The following AGMO variants were observed in gnomAD, a reference collection of about 807,000 sequenced individuals.
AGMO encodes alkylglycerol monooxygenase.
Under a neutral mutation model 60.2 loss-of-function variants are expected in AGMO, and 75 were observed. That is an observed-to-expected ratio of 1.25 (90% CI 1.03 to 1.51). AGMO has a LOEUF of 1.51. Among genes scored for constraint, AGMO ranks in the 40% most tolerant of loss-of-function variants. The pLI is 0.00. For missense variants in AGMO, 763 were observed against 525.5 expected (o/e 1.45, Z -4.42); for synonymous variants, 261 against 177.1 (o/e 1.47, Z -3.76).
At chr7:15,519,777 T>C (rs1019587770) in intron 3 of AGMO, among the ~76,000 whole-genome samples, 1 of 152,104 alleles carries the variant, frequency 6.6e-6, no homozygotes, top group Non-Finnish European at 1.5e-5. Flanking sequence ...GCTAGTATCA[T>C]AATGACAGGG....
chr7:15,212,917 G>A (rs890122134), intron 12 of AGMO, among the ~76,000 whole-genome samples: 8 of 151,894 alleles, frequency 5.3e-5, no homozygotes, highest in African/African-American at 1.7e-4. Flanking sequence ...ACTTTCATAC[G>A]TGCAAACATC....
rs1269627467 is a variant in AGMO, at chr7:15,561,759, T to A, written c.87A>T (p.Ser29=). The A allele has an allele frequency of 1.2e-6, 2 of 1,612,268 alleles. No individual in the cohort carries two copies. Among genetic ancestry groups the A allele is most frequent in the East Asian group, 2.2e-5 (1 of 44,816 alleles). ...CAGGCACCTCTTCTAATGTTTGGAA[T>A]GAAGTTTCACTGGGTTTCATCGTGT... ...LFYTMKPSET[S]FQTLEEVPDY... The change falls in exon 1 of 13, where the codon TCA becomes TCT. Residue 29 remains serine, a synonymous_variant. Transcript: ENST00000342526.
chr7:15,258,751 T>C (rs1285821754), intron 12 of AGMO, among the ~76,000 whole-genome samples: 4 of 151,892 alleles, frequency 2.6e-5, no homozygotes, highest in African/African-American at 4.8e-5. Context: ...ATCACAGAAC[T>C]CTTTCTAGAC....
chr7:15,498,571 C>G (rs1433612458), intron 3 of AGMO, among the ~76,000 whole-genome samples: 1 of 151,906 alleles, frequency 6.6e-6, no homozygotes, highest in African/African-American at 2.4e-5. Flanking sequence ...ATTACGGCAT[C>G]TCTCCAGTCA....
chr7:15,539,899 C>G (rs964333418), intron 3 of AGMO, among the ~76,000 whole-genome samples: 1 of 142,458 alleles, frequency 7.0e-6, no homozygotes, highest in Non-Finnish European at 1.5e-5. Context: ...TGATGTTGAG[C>G]TTTTTTCATA....
chr7:15,198,768 G>C (rs918811306), downstream of AGMO, among the ~76,000 whole-genome samples: 1 of 152,118 alleles, frequency 6.6e-6, no homozygotes, highest in African/African-American at 2.4e-5. Context: ...CACAAGACCA[G>C]ATGAGTCAGT....
chr7:15,161,951 T>C, the AGMO span, among the ~76,000 whole-genome samples: 1 of 152,124 alleles, frequency 6.6e-6, no homozygotes, highest in South Asian at 2.1e-4. Flanking sequence ...TTCGTCTCAG[T>C]GTCTCCACCC....
chr7:15,303,306 T>A (rs896364272), intron 12 of AGMO, among the ~76,000 whole-genome samples: 1 of 152,152 alleles, frequency 6.6e-6, no homozygotes, highest in Admixed American at 6.6e-5. Context: ...ATTTTCTGTA[T>A]TTTTGGCTTA....
In AGMO at chr7:15,493,365, C is replaced by CTTTTTTTTT. The variant is rs71004387; in HGVS notation, c.409+51398_409+51406dup. Among the ~76,000 whole-genome samples, 2 of 66,654 alleles carry CTTTTTTTTT rather than the reference C, an allele frequency of 3.0e-5. 1 individual carries two copies. Among genetic ancestry groups the CTTTTTTTTT allele is most frequent in the Non-Finnish European group, 5.4e-5 (2 of 37,082 alleles). The allele number at this position is 66,654 out of a possible 152,430, so 43.7% of individuals were successfully genotyped here. A position where few individuals can be genotyped will look rare whatever the true frequency, so the allele number is the denominator to read the frequency against. On this transcript the variant is annotated intron_variant, in intron 3 of 12. Coordinates refer to ENST00000342526, the MANE Select transcript of AGMO (RefSeq NM_001004320.2). ...CACACACACACACACACACACACTT[C>CTTTTTTTTT]TTTTTTTTTTTTTTTTTTTTTTTTT... is the stretch of plus-strand genomic sequence containing the variant.
chr7:15,513,971 C>T (rs1485153832), intron 3 of AGMO, among the ~76,000 whole-genome samples: 1 of 152,164 alleles, frequency 6.6e-6, no homozygotes, highest in East Asian at 1.9e-4. Context: ...AACAACAGGG[C>T]TAAACTTTTG....
chr7:15,369,559 G>C (rs899889093), intron 10 of AGMO, among the ~76,000 whole-genome samples: 1 of 151,908 alleles, frequency 6.6e-6, no homozygotes, highest in Non-Finnish European at 1.5e-5. Flanking sequence ...TTTCATTCAG[G>C]TCTCTATTCA....
chr7:15,534,475 T>A (rs1784439327), intron 3 of AGMO, among the ~76,000 whole-genome samples: 3 of 151,982 alleles, frequency 2.0e-5, no homozygotes, highest in Non-Finnish European at 4.4e-5. Flanking sequence ...TTTTGTTTAT[T>A]ACAGTTGACA....
chr7:15,299,149 G>GT (rs1239953676), intron 12 of AGMO, among the ~76,000 whole-genome samples: 1 of 152,158 alleles, frequency 6.6e-6, no homozygotes, highest in Admixed American at 6.5e-5. Context: ...TTCAAAGTGT[G>GT]TTTTTTGCTA....
chr7:15,370,924 TTG>T (rs1406145208), intron 10 of AGMO, among the ~76,000 whole-genome samples: 2 of 152,166 alleles, frequency 1.3e-5, no homozygotes, highest in African/African-American at 2.4e-5. Context: ...TTTGTTTTTG[TTG>T]TAGTTGCTTT....
At chr7:15,454,092 A>G (rs1457967203) in intron 3 of AGMO, among the ~76,000 whole-genome samples, 1 of 150,848 alleles carries the variant, frequency 6.6e-6, no homozygotes, top group Admixed American at 6.6e-5. Flanking sequence ...GTGGAATGTT[A>G]CCTTATCCTC....
At chr7:15,198,235 GAGAGAGAGAGAGAGAGAGAGAC>G (rs1161111977), downstream of AGMO, among the ~76,000 whole-genome samples, 695 of 114,494 alleles carry the variant, frequency 6.1e-3, 18 homozygotes, top group African/African-American at 0.029. Flanking sequence ...GAGAGAGAGA[GAGAGAGAGAGAGAGAGAGAGAC>G]AGAGACAGAG....
intron 12 of AGMO, among the ~76,000 whole-genome samples, chr7:15,365,046 C>A (rs1250880858): frequency 1.3e-5 from 2 of 151,924 alleles, no homozygotes. Context: ...TATTTTTCAG[C>A]TGTAGAAAAA....
intron 8 of AGMO, 89 bp from the exon 9 acceptor site, chr7:15,387,629 A>G: frequency 4.1e-6 from 5 of 1,213,378 alleles, no homozygotes; most frequent in Non-Finnish European, 5.5e-6. Flanking sequence ...TTATTGTTCA[A>G]GGTAATTTAC....
At chr7:15,183,833 A>G in the AGMO span, among the ~76,000 whole-genome samples, 4 of 152,188 alleles carry the variant, frequency 2.6e-5, no homozygotes, top group Admixed American at 6.5e-5. Context: ...TATATAAACA[A>G]ATTATTTTTA....
Sources: gnomAD v4.1 joint callset for allele counts (sites outside exome capture counted in the v4.1 genomes callset) on GRCh38, gnomAD v4.1.1 for gene constraint, MANE v1.5 for transcripts, NCBI Gene and HGNC (gene_info 2026-07-23, HGNC 2026-07-21) for gene names.